The following PLXNA2 variants were observed in gnomAD, a reference collection of about 807,000 sequenced individuals.
PLXNA2 encodes plexin-A2.
Under a neutral mutation model 193.5 loss-of-function variants are expected in PLXNA2, and 91 were observed. The observed-to-expected ratio is 0.47, with a 90% CI of 0.40 to 0.56. PLXNA2 has a LOEUF of 0.56. Among genes scored for constraint, PLXNA2 ranks in the 20% least tolerant of loss-of-function variants. The pLI, the probability that PLXNA2 is intolerant of heterozygous loss-of-function variation, is 0.00. For synonymous variants in PLXNA2, 997 were observed against 1,027.3 expected, an observed-to-expected ratio of 0.97 and a Z score of 0.56; for missense variants, 1,995 against 2,503.2, an observed-to-expected ratio of 0.80 and a Z score of 4.33.
At chr1:208,174,973 G>C (rs1669617378) in intron 3 of PLXNA2, among the ~76,000 whole-genome samples, 1 of 152,190 alleles carries the variant, frequency 6.6e-6, no homozygotes, top group African/African-American at 2.4e-5. Context: ...TGGGAACTCT[G>C]TCCAGCCCTG....
chr1:208,169,003 A>G (rs1034495510), intron 3 of PLXNA2, among the ~76,000 whole-genome samples: 19 of 152,074 alleles, frequency 1.2e-4, no homozygotes, highest in Non-Finnish European at 1.8e-4. Flanking sequence ...ATGGTTTTCT[A>G]TAAGGCCAAG....
chr1:208,030,499 G>A lies in PLXNA2; in HGVS notation c.5225+1091C>T, dbSNP rs974017455. ...GCCTGTCCTGGCAAAGTGGACTGTG[G>A]GCTCTTAACCCCAGGGCCACCCCAG... On this transcript the variant is annotated intron_variant, in intron 29 of 31. Transcript: ENST00000367033. 7.1e-6 allele frequency: 7 copies of A among 985,312 alleles called. No individual in the cohort carries two copies. The African/African-American group carries it at 1.0e-4, about 15-fold the overall frequency. The allele number at this position is 985,312 out of a possible 1,614,324, so 61.0% of individuals were successfully genotyped here. A position where few individuals can be genotyped will look rare whatever the true frequency, so the allele number is the denominator to read the frequency against.
intron 5 of PLXNA2, 116 bp downstream of exon 5, chr1:208,103,031 T>A: frequency 2.7e-6 from 2 of 744,768 alleles, no homozygotes; most frequent in Middle Eastern, 4.6e-4. Flanking sequence ...ACGATTAGAA[T>A]TACTGCTCTG....
Position 208,231,425 on chromosome 1 carries a change from A to T in PLXNA2, c.-81+12218T>A, listed in dbSNP as rs145436485. 3.1e-3 allele frequency among the ~76,000 whole-genome samples: 477 copies of T among 152,102 alleles called. 1 individual carries two copies. The highest frequency in any genetic ancestry group is 0.011 in the African/African-American group (454 of 41,478). On this transcript the variant is annotated intron_variant, in intron 1 of 31. Transcript: ENST00000367033. Reference sequence around the variant, plus strand: ...ATGCTCCTGGAGTGATTGACTCAAGATCCAACATGTTCCGCACCGGATGAA... The same window carrying T: ...ATGCTCCTGGAGTGATTGACTCAAGTTCCAACATGTTCCGCACCGGATGAA...
chr1:208,118,743 AT>A lies in PLXNA2; in HGVS notation c.1507-15497del, dbSNP rs531108738. 1.1e-4 allele frequency among the ~76,000 whole-genome samples: 16 copies of A among 150,422 alleles called. No homozygotes were observed. The South Asian group carries it at 1.5e-3, about 14-fold the overall frequency. On this transcript the variant is annotated intron_variant, in intron 4 of 31. Transcript: ENST00000367033. ...GGAGATAGAAGAGAGACAAAGATAC[AT>A]TTTTTTTCTTTTTTTTTTAAAAGAG...
chr1:208,145,839 A>G (rs537434941), intron 3 of PLXNA2, among the ~76,000 whole-genome samples: 32 of 152,350 alleles, frequency 2.1e-4, no homozygotes, highest in Middle Eastern at 3.4e-3. Flanking sequence ...CAAATGTCAG[A>G]GGTAAAACCA....
intron 4 of PLXNA2, among the ~76,000 whole-genome samples, chr1:208,117,432 T>A (rs1461269002): frequency 6.6e-6 from 1 of 152,206 alleles, no homozygotes; most frequent in African/African-American, 2.4e-5. Flanking sequence ...TTGCAGCAGA[T>A]GTGGACACCT....
At chr1:208,096,980 C>T in intron 6 of PLXNA2, 97 bp from the exon 7 acceptor site, 2 of 1,064,928 alleles carry the variant, frequency 1.9e-6, no homozygotes, top group Non-Finnish European at 2.7e-6. Context: ...CACTGATCTC[C>T]CCTGACCTCA....
At chr1:208,079,617 T>A (rs1347710252) in intron 11 of PLXNA2, among the ~76,000 whole-genome samples, 167 bp from the exon 12 acceptor site, 2 of 152,220 alleles carry the variant, frequency 1.3e-5, no homozygotes, top group Non-Finnish European at 2.9e-5. Context: ...AAATTGAGCC[T>A]CTTACCAGTC....
chr1:208,178,994 C>T (rs1669753363), intron 3 of PLXNA2, among the ~76,000 whole-genome samples: 1 of 152,182 alleles, frequency 6.6e-6, no homozygotes, highest in Non-Finnish European at 1.5e-5. Flanking sequence ...TGTGCTACCA[C>T]ACAAAGGGGC....
At chr1:208,132,311 G>A (rs754182279) in intron 4 of PLXNA2, among the ~76,000 whole-genome samples, 2 of 152,190 alleles carry the variant, frequency 1.3e-5, no homozygotes, top group Non-Finnish European at 2.9e-5. Context: ...CTAACTGGGA[G>A]CCGGGTGTGG....
rs1275402401 is a variant in PLXNA2, at chr1:208,098,874, C to T, written c.1703G>A (p.Ser568Asn). 6.2e-6 allele frequency: 10 copies of T among 1,613,776 alleles called. No individual in the cohort carries two copies. The East Asian group carries it at 2.0e-4, about 32-fold the overall frequency. Residue 568 changes from serine to asparagine, a missense_variant, in exon 6 of 32, where the codon AGC (serine) becomes AAC (asparagine). Physicochemically the swap from Ser to Asn is conservative, Grantham distance 46. Transcript: ENST00000367033. ...CCGGCTGTGCTCAGATACTGAGATGCTGCTGGGATGCACTGCAAGGCTCAC... is the reference window on the plus strand; with the variant it reads ...CCGGCTGTGCTCAGATACTGAGATGTTGCTGGGATGCACTGCAAGGCTCAC... Reference protein sequence around the residue: ...QCVSLAVHPSSISVSEHSRLL... With the variant: ...QCVSLAVHPSNISVSEHSRLL...
At chr1:208,053,200 A>G (rs1665320466) in intron 14 of PLXNA2, among the ~76,000 whole-genome samples, 1 of 152,384 alleles carries the variant, frequency 6.6e-6, no homozygotes, top group East Asian at 1.9e-4. Context: ...CTGAGCAACT[A>G]TACAGGCATG....
chr1:208,107,804 T>C (rs1429772283), intron 4 of PLXNA2, among the ~76,000 whole-genome samples: 2 of 152,036 alleles, frequency 1.3e-5, no homozygotes, highest in African/African-American at 4.8e-5. Context: ...GGCTGGCAGG[T>C]GAGTGTGGCA....
In PLXNA2 at chr1:208,220,887, G is replaced by A. The variant is rs188007464; in HGVS notation, c.-80-2885C>T. ...GTGCCTTTGATCCCTAGGCCTCCCC[G>A]ACCCAGTGACAGAGCTCAGTCTGGG... On this transcript the variant is annotated intron_variant, in intron 1 of 31. Coordinates refer to ENST00000367033, the MANE Select transcript of PLXNA2 (RefSeq NM_025179.4). Among the ~76,000 whole-genome samples, 649 of 152,190 alleles carry A rather than the reference G, an allele frequency of 4.3e-3. 23 individuals are homozygous for A. The highest frequency in any genetic ancestry group is 0.037 in the Admixed American group (567 of 15,296).
chr1:208,088,183 C>T (rs974889790), intron 9 of PLXNA2, among the ~76,000 whole-genome samples: 2 of 152,158 alleles, frequency 1.3e-5, no homozygotes, highest in African/African-American at 4.8e-5. Context: ...TGTAGGAATA[C>T]CCCAGGGGTG....
chr1:208,095,908 A>G, intron 8 of PLXNA2, 121 bp downstream of exon 8: 1 of 752,660 alleles, frequency 1.3e-6, no homozygotes, highest in Non-Finnish European at 2.3e-6. Flanking sequence ...GTCAGGCCCC[A>G]TGGGGAAACT....
At chr1:208,183,549 G>A (rs74153101) in intron 3 of PLXNA2, among the ~76,000 whole-genome samples, 4,230 of 145,088 alleles carry the variant, frequency 0.029, 210 homozygotes, top group African/African-American at 0.099. Context: ...TCTGCGCAGC[G>A]TCCCCACTGG....
chr1:208,029,504 C>T (rs552775657), intron 29 of PLXNA2: 114 of 999,842 alleles, frequency 1.1e-4, no homozygotes, highest in South Asian at 7.9e-4. Flanking sequence ...GCGCCACCTG[C>T]GCTCCCCGCC....
Sources: gnomAD v4.1 joint callset for allele counts (sites outside exome capture counted in the v4.1 genomes callset) on GRCh38, gnomAD v4.1.1 for gene constraint, MANE v1.5 for transcripts, NCBI Gene and HGNC (gene_info 2026-07-23, HGNC 2026-07-21) for gene names.